SLC25A23: variants seen among roughly 807,000 people sequenced by gnomAD.
SLC25A23 encodes the protein mitochondrial adenyl nucleotide antiporter SLC25A23.
In SLC25A23, 32 loss-of-function variants were observed where a neutral mutation model predicts 53.9. The ratio of observed to expected loss-of-function variants is 0.59; its 90% CI spans 0.45 to 0.80. The LOEUF (loss-of-function observed/expected upper bound fraction) is 0.80, where lower values mean the gene tolerates loss of function less well. Among genes scored for constraint, SLC25A23 ranks in the 30% least tolerant of loss-of-function variants. The probability of loss-of-function intolerance (pLI) is 0.00; values close to 1 mark genes in which losing one functional copy is unlikely to be tolerated. For missense variants in SLC25A23, 575 were observed against 651.4 expected, an observed-to-expected ratio of 0.88 and a Z score of 1.28; for synonymous variants, 275 against 264.5, an observed-to-expected ratio of 1.04 and a Z score of -0.38.
rs1304757976 is a variant in SLC25A23 at position 6,459,310 on chromosome 19, C to T, written c.156+163G>A. Among the ~76,000 whole-genome samples the T allele has an allele frequency of 6.6e-6, 1 of 152,154 alleles. No homozygotes were observed. Among genetic ancestry groups the T allele is most frequent in the African/African-American group, 2.4e-5 (1 of 41,440 alleles). On this transcript the variant is annotated intron_variant, in intron 1 of 9. Coordinates refer to ENST00000301454, the MANE Select transcript of SLC25A23 (RefSeq NM_024103.3). The surrounding 1 kb of genome is among the most constrained non-coding windows in gnomAD (Gnocchi z 4.6). The stretch of plus-strand genomic sequence containing the variant: ...TCGGCGTCCCTGTCTTGAGCGATCC[C>T]GTTAGGCCAAACACGAGTGGGTAGG...
rs773185504 is a variant in SLC25A23 at position 6,454,656 on chromosome 19, G to A, written c.545C>T (p.Thr182Met). 17 of 1,613,972 alleles carry A rather than the reference G, an allele frequency of 1.1e-5. No individual in the cohort carries two copies. The highest frequency in any genetic ancestry group is 1.2e-5 in the Non-Finnish European group (14 of 1,180,034). Residue 182 changes from threonine (T) to methionine (M), a missense_variant, in exon 5 of 10, where the codon ACG becomes ATG. Coordinates refer to ENST00000301454, the MANE Select transcript of SLC25A23 (RefSeq NM_024103.3). The surrounding 1 kb of genome is among the most constrained non-coding windows in gnomAD (Gnocchi z 4.3). ...PDEFSKQEKLTGMWWKQLVAG... is the reference protein window; with the variant it reads ...PDEFSKQEKLMGMWWKQLVAG... ...CACCAGCTGTTTCCACCACATGCCC[G>A]TCAGCTTCTCTTGCTTTGAGAACTC...
chr19:6,436,794 C>T (rs1360562991), downstream of SLC25A23, among the ~76,000 whole-genome samples: 3 of 150,222 alleles, frequency 2.0e-5, no homozygotes, highest in African/African-American at 7.4e-5. Context: ...GTGATTCACC[C>T]GCCTCGGCCT....
chr19:6,447,872 T>G (rs1296455812), intron 8 of SLC25A23, among the ~76,000 whole-genome samples: 1 of 152,166 alleles, frequency 6.6e-6, no homozygotes, highest in African/African-American at 2.4e-5. Context: ...GGTTTAACCA[T>G]GTTGGCCAGG....
In SLC25A23 at chr19:6,456,913, C is replaced by T. The variant is rs950347495; in HGVS notation, c.372-382G>A. On this transcript the variant is annotated intron_variant, in intron 3 of 9. Coordinates refer to ENST00000301454, the MANE Select transcript of SLC25A23 (RefSeq NM_024103.3). The stretch of plus-strand genomic sequence containing the variant: ...CAGGATGGTCTCCATCTCTTGACCT[C>T]GTGATCCACCTGCCTCGGCCTTCCA... Among the ~76,000 whole-genome samples the T allele has an allele frequency of 2.6e-5, 4 of 152,008 alleles. No homozygotes were observed. In the East Asian group the frequency reaches 5.8e-4, roughly 22 times the overall value.
intron 8 of SLC25A23, among the ~76,000 whole-genome samples, chr19:6,451,728 C>T (rs879703166): frequency 7.9e-5 from 12 of 151,884 alleles, no homozygotes; most frequent in Non-Finnish European, 1.5e-4. Flanking sequence ...AGCAGATGCT[C>T]AAATGGGCAG....
chr19:6,446,612 G>T (rs1001264717), intron 8 of SLC25A23, among the ~76,000 whole-genome samples: 5 of 152,166 alleles, frequency 3.3e-5, no homozygotes, highest in African/African-American at 1.2e-4. Context: ...CTGACCTGGT[G>T]GATCAATACC....
chr19:6,459,609 T>G lies in SLC25A23; in HGVS notation c.20A>C (p.Asp7Ala). 1 of 1,524,996 alleles carries G rather than the reference T, an allele frequency of 6.6e-7. No homozygotes were observed. Among genetic ancestry groups the G allele is most frequent in the Non-Finnish European group, 8.8e-7 (1 of 1,142,424 alleles). The allele number at this position is 1,524,996 out of a possible 1,614,324, so 94.5% of individuals were successfully genotyped here. Reference sequence around the variant, plus strand: ...ACCCCAGCGCTGCCGCCGCTCCGCGTCGCCCGGGCTCCCCCGCATGGCGCC... The same window carrying G: ...ACCCCAGCGCTGCCGCCGCTCCGCGGCGCCCGGGCTCCCCCGCATGGCGCC... MRGSPG[D>A]AERRQRWGRL... The change falls in exon 1 of 10, where the codon GAC becomes GCC. Residue 7 changes from aspartate (D) to alanine (A), a missense_variant. Asp to Ala is a moderately radical substitution (Grantham distance 126). Transcript: ENST00000301454. This position sits in a 1 kb window ranked among gnomAD's most constrained non-coding sequence, Gnocchi z 4.6.
rs556344402 is a variant in SLC25A23 at position 6,456,024 on chromosome 19, C to T, written c.483+396G>A. The T allele has an allele frequency of 1.5e-5, 20 of 1,302,732 alleles. 1 individual carries two copies. The African/African-American group carries it at 2.1e-4, about 14-fold the overall frequency. The allele number at this position is 1,302,732 out of a possible 1,614,324, so 80.7% of individuals were successfully genotyped here. On this transcript the variant is annotated intron_variant, in intron 4 of 9. Coordinates refer to ENST00000301454, the MANE Select transcript of SLC25A23 (RefSeq NM_024103.3). ...GTGAGCCACTGCGCCTGGCCAAGAC[C>T]GTGGTTTTTGAACGATTCTGTTCAG... is the stretch of plus-strand genomic sequence containing the variant.
chr19:6,456,123 C>T, intron 4 of SLC25A23: 1 of 1,416,070 alleles, frequency 7.1e-7, no homozygotes, highest in South Asian at 1.3e-5. Context: ...AGGCCTTGTA[C>T]CCCATCTGGT....
chr19:6,451,372 AGAGC>A (rs1209500134), intron 8 of SLC25A23, among the ~76,000 whole-genome samples: 1 of 152,140 alleles, frequency 6.6e-6, no homozygotes, highest in African/African-American at 2.4e-5. Context: ...CTGGGCGACA[AGAGC>A]GAGACTCCGT....
At position 6,459,469 on chromosome 19, in the gene SLC25A23, G is replaced by A. The variant is rs764848127; in HGVS notation, c.156+4C>T. 20 of 1,584,922 alleles carry A rather than the reference G, an allele frequency of 1.3e-5. No homozygotes were observed. The highest frequency in any genetic ancestry group is 1.7e-5 in the Admixed American group (1 of 58,282). On this transcript the variant is annotated splice_donor_region_variant and intron_variant, in intron 1 of 9. Coordinates refer to ENST00000301454, the MANE Select transcript of SLC25A23 (RefSeq NM_024103.3). This position sits in a 1 kb window ranked among gnomAD's most constrained non-coding sequence, Gnocchi z 4.6. Reference sequence around the variant, plus strand: ...GGGGAGGAGGTCCCTGGGGGTGGGGGTACCTGTTGGGCGCCGGGGTCTGGG... The same window carrying A: ...GGGGAGGAGGTCCCTGGGGGTGGGGATACCTGTTGGGCGCCGGGGTCTGGG...
chr19:6,444,441 CT>C, intron 8 of SLC25A23, 140 bp from the exon 9 acceptor site: 1 of 890,616 alleles, frequency 1.1e-6, no homozygotes, highest in Non-Finnish European at 1.6e-6. Flanking sequence ...CGGGCCAGCC[CT>C]TTCCCTGCGT....
rs1215650019 is a variant in SLC25A23, at chr19:6,454,535, G to A, written c.642+24C>T. 1 of 1,613,162 alleles carries A rather than the reference G, an allele frequency of 6.2e-7. No individual in the cohort carries two copies. The highest frequency in any genetic ancestry group is 1.7e-5 in the Admixed American group (1 of 59,994). ...CCAGGTGTCAGGCCTGGGGGAGGGGGCAGGTCTCTCCAGAGCCCCTCACCT... is the reference window on the plus strand; with the variant it reads ...CCAGGTGTCAGGCCTGGGGGAGGGGACAGGTCTCTCCAGAGCCCCTCACCT... On this transcript the variant is annotated intron_variant, in intron 5 of 9. Coordinates refer to ENST00000301454, the MANE Select transcript of SLC25A23 (RefSeq NM_024103.3). The surrounding 1 kb of genome is among the most constrained non-coding windows in gnomAD (Gnocchi z 4.3).
chr19:6,446,533 G>T (rs536064115), intron 8 of SLC25A23, among the ~76,000 whole-genome samples: 1 of 152,282 alleles, frequency 6.6e-6, no homozygotes, highest in East Asian at 1.9e-4. Flanking sequence ...AGGCCAGCCG[G>T]CTCTGACCAC....
intron 8 of SLC25A23, among the ~76,000 whole-genome samples, chr19:6,445,741 A>G (rs2092493597): frequency 6.6e-6 from 1 of 152,138 alleles, no homozygotes; most frequent in African/African-American, 2.4e-5. Context: ...AGGGTAAAGA[A>G]TAAATTAAAA....
In SLC25A23 at chr19:6,459,493, G is replaced by A; in HGVS notation, c.136C>T (p.Pro46Ser). ...QGLARLGGGN[P>S]DPGAQQGISS... ...GGTACCTGTTGGGCGCCGGGGTCTG[G>A]GTTGCCCCCGCCCAGCCTGGCCAGC... The change falls in exon 1 of 10, where the codon CCA becomes TCA. Residue 46 changes from proline (P) to serine (S), a missense_variant. Transcript: ENST00000301454. The surrounding 1 kb of genome is among the most constrained non-coding windows in gnomAD (Gnocchi z 4.6). The A allele has an allele frequency of 6.3e-7, 1 of 1,593,402 alleles. No individual in the cohort carries two copies. Among genetic ancestry groups the A allele is most frequent in the Middle Eastern group, 1.7e-4 (1 of 5,980 alleles).
Position 6,458,339 on chromosome 19 carries a change from G to GGGGAT in SLC25A23, c.157-20_157-16dup. On this transcript the variant is annotated splice_polypyrimidine_tract_variant and intron_variant, in intron 1 of 9. Transcript: ENST00000301454. ...GAGGAGATACCCTGACAGAGGGAAA[G>GGGGAT]GGGATAGAGGTGGCTCCAGGAACCT... The GGGGAT allele has an allele frequency of 6.2e-7, 1 of 1,610,244 alleles. No individual in the cohort carries two copies. Among genetic ancestry groups the GGGGAT allele is most frequent in the Non-Finnish European group, 8.5e-7 (1 of 1,178,904 alleles).
chr19:6,453,287 C>T (rs1246560548), intron 7 of SLC25A23, among the ~76,000 whole-genome samples: 1 of 141,638 alleles, frequency 7.1e-6, no homozygotes, highest in Admixed American at 7.4e-5. Context: ...GTTGCCCAGA[C>T]TGAGTGCAGT....
rs753315510 is a variant in SLC25A23, at chr19:6,456,400, G to A, written c.483+20C>T. 3.1e-6 allele frequency: 5 copies of A among 1,610,906 alleles called. No individual in the cohort carries two copies. Among genetic ancestry groups the A allele is most frequent in the Non-Finnish European group, 4.2e-6 (5 of 1,177,226 alleles). On this transcript the variant is annotated intron_variant, in intron 4 of 9. Transcript: ENST00000301454. The stretch of plus-strand genomic sequence containing the variant: ...GAAGAGGGCACAGCCTTCAGCTGGG[G>A]AAAGCCACCCCCACCTCACCGTGGA...
Sources: gnomAD v4.1 joint callset for allele counts (sites outside exome capture counted in the v4.1 genomes callset) on GRCh38, gnomAD v4.1.1 for gene constraint, Gnocchi (gnomAD v3.1) non-coding constraint, MANE v1.5 for transcripts, NCBI Gene and HGNC (gene_info 2026-07-23, HGNC 2026-07-21) for gene names.